Variants in FSTL4 observed in about 807,000 individuals in gnomAD.
The protein encoded by FSTL4 is follistatin-related protein 4.
In FSTL4, 28 loss-of-function variants were observed where a neutral mutation model predicts 78.2. That is an observed-to-expected ratio of 0.36 (90% CI 0.27 to 0.49). FSTL4 has a LOEUF of 0.49. Ranked by LOEUF, FSTL4 falls within the 20% of genes least tolerant of loss-of-function variation. FSTL4 has a pLI of 0.98. For synonymous variants in FSTL4, 422 were observed against 440.5 expected, an observed-to-expected ratio of 0.96 and a Z score of 0.53; for missense variants, 922 against 1,084.9, an observed-to-expected ratio of 0.85 and a Z score of 2.11.
At chr5:133,774,422 T>C in the FSTL4 span, among the ~76,000 whole-genome samples, 1 of 152,174 alleles carries the variant, frequency 6.6e-6, no homozygotes, top group Non-Finnish European at 1.5e-5. Context: ...AGGCTAAAGA[T>C]GCTGTAAACG....
chr5:133,691,769 C>A, the FSTL4 span, among the ~76,000 whole-genome samples: 1 of 151,998 alleles, frequency 6.6e-6, no homozygotes, highest in Non-Finnish European at 1.5e-5. Context: ...CAACAGGAAG[C>A]CACAGCCTGC....
chr5:133,225,208 T>G lies in FSTL4; in HGVS notation c.1254A>C (p.Glu418Asp), dbSNP rs1751289091. The G allele has an allele frequency of 1.9e-6, 3 of 1,614,154 alleles. No homozygotes were observed. In the South Asian group the frequency reaches 3.3e-5, roughly 18 times the overall value. The part of the protein sequence containing the change: ...TGAYTCIAKN[E>D]VGVDEDISSL... ...AGGAGATATCTTCATCCACACCCAC[T>G]TCATTTTTGGCAATGCAGGTGTATG... The change falls in exon 10 of 16, where the codon GAA (glutamate) becomes GAC (aspartate). Residue 418 changes from glutamate to aspartate, a missense_variant. Physicochemically the swap from Glu to Asp is conservative, Grantham distance 45. Transcript: ENST00000265342. This position sits in a 1 kb window ranked among gnomAD's most constrained non-coding sequence, Gnocchi z 4.6.
chr5:133,746,945 AAGT>A, the FSTL4 span, among the ~76,000 whole-genome samples: 1 of 152,232 alleles, frequency 6.6e-6, no homozygotes, highest in South Asian at 2.1e-4. Context: ...AAGCATACTT[AAGT>A]ATGCTTGCTA....
chr5:133,266,149 C>T (rs1363750407), intron 6 of FSTL4, among the ~76,000 whole-genome samples: 2 of 152,174 alleles, frequency 1.3e-5, no homozygotes, highest in Non-Finnish European at 2.9e-5. Flanking sequence ...CATCGTGAGC[C>T]CAGCCAGCGC....
chr5:133,305,316 C>T (rs2126881651), intron 6 of FSTL4, among the ~76,000 whole-genome samples: 1 of 152,338 alleles, frequency 6.6e-6, no homozygotes, highest in East Asian at 1.9e-4. Flanking sequence ...TCTCCAAGCC[C>T]TGGCCTCTGA....
intron 3 of FSTL4, among the ~76,000 whole-genome samples, chr5:133,514,762 C>T (rs1758819647): frequency 6.6e-6 from 1 of 152,082 alleles, no homozygotes; most frequent in Non-Finnish European, 1.5e-5. Flanking sequence ...AACCACAAAA[C>T]AATTTATTTT....
intron 3 of FSTL4, among the ~76,000 whole-genome samples, chr5:133,475,932 C>T (rs1757918178): frequency 6.6e-6 from 1 of 152,104 alleles, no homozygotes; most frequent in Non-Finnish European, 1.5e-5. Context: ...TTAATGTCCA[C>T]CCTCCAGAGG....
At chr5:133,449,088 C>T (rs1561721251) in intron 3 of FSTL4, among the ~76,000 whole-genome samples, 1 of 152,226 alleles carries the variant, frequency 6.6e-6, no homozygotes, top group Non-Finnish European at 1.5e-5. Context: ...CCCCACTCCT[C>T]TGATCCCCTG....
At chr5:133,653,975 G>A in the FSTL4 span, among the ~76,000 whole-genome samples, 1 of 152,206 alleles carries the variant, frequency 6.6e-6, no homozygotes, top group African/African-American at 2.4e-5. Flanking sequence ...GCTCATGCAA[G>A]CTTTCCTCAT....
chr5:133,701,509 A>ACACACACAC, the FSTL4 span, among the ~76,000 whole-genome samples: 1,150 of 132,634 alleles, frequency 8.7e-3, 10 homozygotes, highest in Middle Eastern at 0.019. Context: ...ACACACACAC[A>ACACACACAC]CCCCACAGGC....
chr5:133,204,549 T>C (rs377299752), intron 14 of FSTL4, among the ~76,000 whole-genome samples: 4 of 152,166 alleles, frequency 2.6e-5, no homozygotes, highest in South Asian at 4.2e-4. Flanking sequence ...ACTCTTTCAC[T>C]GGCCAGGCAT....
At chr5:133,377,752 A>G (rs1755471036) in intron 4 of FSTL4, among the ~76,000 whole-genome samples, 1 of 152,228 alleles carries the variant, frequency 6.6e-6, no homozygotes, top group African/African-American at 2.4e-5. Context: ...TAATGGCTAA[A>G]AACTTCCTAA....
intron 4 of FSTL4, among the ~76,000 whole-genome samples, chr5:133,366,936 A>G (rs1391064176): frequency 1.3e-5 from 2 of 152,190 alleles, no homozygotes; most frequent in African/African-American, 4.8e-5. Context: ...TAAATGATAT[A>G]TTTAAATGTT....
At chr5:133,355,453 C>T (rs552598333) in intron 4 of FSTL4, among the ~76,000 whole-genome samples, 15 of 152,148 alleles carry the variant, frequency 9.9e-5, no homozygotes, top group Admixed American at 5.2e-4. Flanking sequence ...GTCAAGAGAC[C>T]GAGACCATCC....
chr5:133,372,833 A>G (rs1755344705), intron 4 of FSTL4, among the ~76,000 whole-genome samples: 1 of 152,018 alleles, frequency 6.6e-6, no homozygotes, highest in African/African-American at 2.4e-5. Flanking sequence ...CAGGCCGGGC[A>G]CTCTGCTTTA....
At chr5:133,772,075 C>G in the FSTL4 span, among the ~76,000 whole-genome samples, 2 of 152,082 alleles carry the variant, frequency 1.3e-5, no homozygotes, top group African/African-American at 4.8e-5. Context: ...TTCAAAATAA[C>G]CCGGGATGAT....
At chr5:133,430,655 T>C (rs1292413371) in intron 3 of FSTL4, among the ~76,000 whole-genome samples, 4 of 152,212 alleles carry the variant, frequency 2.6e-5, no homozygotes, top group Non-Finnish European at 4.4e-5. Context: ...AATATGACTT[T>C]CCAAAATAAC....
chr5:133,660,687 T>C, the FSTL4 span, among the ~76,000 whole-genome samples: 1 of 152,248 alleles, frequency 6.6e-6, no homozygotes, highest in Non-Finnish European at 1.5e-5. Context: ...GATGTCATTT[T>C]GTTCCTGAGG....
At chr5:133,630,369 A>C in the FSTL4 span, among the ~76,000 whole-genome samples, 1 of 152,154 alleles carries the variant, frequency 6.6e-6, no homozygotes, top group Non-Finnish European at 1.5e-5. Context: ...AGACAGCCAA[A>C]TCATGAGTGA....
Sources: allele counts gnomAD v4.1 joint callset (sites outside exome capture counted in the v4.1 genomes callset), GRCh38; gene constraint gnomAD v4.1.1; non-coding constraint Gnocchi (gnomAD v3.1); transcripts MANE v1.5; gene names NCBI Gene and HGNC (gene_info 2026-07-23, HGNC 2026-07-21).